The following ZC3H12B variants were observed in gnomAD, a reference collection of about 807,000 sequenced individuals.
ZC3H12B encodes the protein zinc finger CCCH-type containing 12B, also known as probable ribonuclease ZC3H12B.
ZC3H12B carries 7 observed loss-of-function variants against 43.9 expected under a neutral mutation model. The observed-to-expected ratio is 0.16, with a 90% CI of 0.09 to 0.30. The LOEUF (loss-of-function observed/expected upper bound fraction) is 0.30, where lower values mean the gene tolerates loss of function less well. Among genes scored for constraint, ZC3H12B ranks in the 10% least tolerant of loss-of-function variants. The probability of loss-of-function intolerance (pLI) is 1.00; values close to 1 mark genes in which losing one functional copy is unlikely to be tolerated. For synonymous variants in ZC3H12B, 222 were observed against 241.7 expected (o/e 0.92, Z 0.76); for missense variants, 475 against 670.2 (o/e 0.71, Z 3.22).
At chrX:65,370,115 G>C (rs1328151982) in intron 2 of ZC3H12B, among the ~76,000 whole-genome samples, 1 of 112,105 alleles carries the variant, frequency 8.9e-6, no homozygotes, top group Non-Finnish European at 1.9e-5. Context: ...AAGAAAAAAA[G>C]TATTCATATA....
the ZC3H12B span, among the ~76,000 whole-genome samples, chrX:65,290,670 A>C: frequency 7.2e-5 from 8 of 111,721 alleles, no homozygotes; most frequent in East Asian, 8.4e-4. Context: ...AGTTTTATCC[A>C]TTAAAAAATA....
chrX:65,158,811 C>T, the ZC3H12B span, among the ~76,000 whole-genome samples: 2 of 111,678 alleles, frequency 1.8e-5, no homozygotes, highest in African/African-American at 6.5e-5. Context: ...CTTTTGTTGC[C>T]ATTGCTTTTG....
chrX:65,135,101 A>G, the ZC3H12B span, among the ~76,000 whole-genome samples: 1 of 111,491 alleles, frequency 9.0e-6, no homozygotes, highest in Non-Finnish European at 1.9e-5. Context: ...GACAATATAT[A>G]TAATGAAGTA....
the ZC3H12B span, among the ~76,000 whole-genome samples, chrX:65,159,735 C>G: frequency 1.8e-5 from 2 of 111,778 alleles, no homozygotes; most frequent in Non-Finnish European, 3.8e-5. Context: ...CCCTCTTTTC[C>G]TAATTGAATA....
the ZC3H12B span, among the ~76,000 whole-genome samples, chrX:65,072,557 G>GT: frequency 2.9e-4 from 32 of 111,086 alleles, no homozygotes; most frequent in East Asian, 1.7e-3. Flanking sequence ...CTATGGATGA[G>GT]TTTTTTTTTC....
intron 2 of ZC3H12B, among the ~76,000 whole-genome samples, chrX:65,377,193 G>A (rs1163350723): frequency 1.9e-5 from 2 of 107,958 alleles, no homozygotes; most frequent in Non-Finnish European, 3.8e-5. Context: ...CTTGAAGGTA[G>A]GCTATTTGAA....
the ZC3H12B span, among the ~76,000 whole-genome samples, chrX:65,119,768 T>C: frequency 1.1e-3 from 127 of 112,216 alleles, 1 homozygote; most frequent in African/African-American, 4.1e-3. Flanking sequence ...TCTAGGATTT[T>C]TATGGTTTTA....
the ZC3H12B span, among the ~76,000 whole-genome samples, chrX:65,227,538 A>C: frequency 1.8e-5 from 2 of 111,498 alleles, no homozygotes; most frequent in East Asian, 2.8e-4. Context: ...AAATCAGAGC[A>C]GAACTGAAGG....
chrX:65,190,419 C>T, the ZC3H12B span, among the ~76,000 whole-genome samples: 1 of 111,405 alleles, frequency 9.0e-6, no homozygotes, highest in African/African-American at 3.3e-5. Flanking sequence ...ATTGATTCTT[C>T]TTACCCATGA....
chrX:65,250,769 C>T, the ZC3H12B span, among the ~76,000 whole-genome samples: 2 of 111,708 alleles, frequency 1.8e-5, no homozygotes, highest in African/African-American at 3.3e-5. Context: ...CCTTTGCCCA[C>T]TTGTTGATGG....
intron 2 of ZC3H12B, among the ~76,000 whole-genome samples, chrX:65,390,795 T>C (rs1316121410): frequency 8.9e-6 from 1 of 111,904 alleles, no homozygotes; most frequent in Non-Finnish European, 1.9e-5. Flanking sequence ...AGCACATGGA[T>C]CATTCTCAAG....
chrX:65,254,346 C>T, the ZC3H12B span, among the ~76,000 whole-genome samples: 1 of 112,429 alleles, frequency 8.9e-6, no homozygotes, highest in African/African-American at 3.2e-5. Context: ...GTCAACCCTT[C>T]CATCACAGCA....
chrX:65,205,007 A>G, the ZC3H12B span, among the ~76,000 whole-genome samples: 31 of 111,911 alleles, frequency 2.8e-4, no homozygotes, highest in African/African-American at 1.0e-3. Flanking sequence ...CCAGCCTTGG[A>G]ACTGTAGTAA....
intron 3 of ZC3H12B, among the ~76,000 whole-genome samples, chrX:65,436,213 C>A (rs2067220176): frequency 8.9e-6 from 1 of 111,928 alleles, no homozygotes; most frequent in South Asian, 3.7e-4. Context: ...GTCACAAGAA[C>A]AGCAAGGGGG....
the ZC3H12B span, among the ~76,000 whole-genome samples, chrX:65,176,932 G>A: frequency 8.0e-5 from 9 of 111,935 alleles, no homozygotes; most frequent in Non-Finnish European, 1.3e-4. Flanking sequence ...CATTGTATGA[G>A]GCCAGTGTCA....
intron 3 of ZC3H12B, among the ~76,000 whole-genome samples, chrX:65,433,645 T>G (rs1318390612): frequency 1.8e-5 from 2 of 112,168 alleles, no homozygotes; most frequent in Non-Finnish European, 3.8e-5. Context: ...TTAGGATCAC[T>G]TCAGATTTAA....
the ZC3H12B span, among the ~76,000 whole-genome samples, chrX:65,201,700 CTTAG>C: frequency 9.8e-6 from 1 of 101,559 alleles, no homozygotes; most frequent in African/African-American, 3.6e-5. Context: ...TCCCTGGTGC[CTTAG>C]TTTGTTTGTT....
At chrX:65,327,242 G>GAT in the ZC3H12B span, among the ~76,000 whole-genome samples, 1 of 110,633 alleles carries the variant, frequency 9.0e-6, no homozygotes, top group East Asian at 2.8e-4. Context: ...AAGAAAATGT[G>GAT]ATATATATAG....
At chrX:65,422,452 G>C (rs2067029299) in intron 3 of ZC3H12B, among the ~76,000 whole-genome samples, 2 of 112,185 alleles carry the variant, frequency 1.8e-5, no homozygotes, top group African/African-American at 6.5e-5. Context: ...ATTGACAAAG[G>C]TGTGGACCTG....
Sources: gnomAD v4.1 joint callset for allele counts (sites outside exome capture counted in the v4.1 genomes callset) on GRCh38, gnomAD v4.1.1 for gene constraint, MANE v1.5 for transcripts, NCBI Gene and HGNC (gene_info 2026-07-23, HGNC 2026-07-21) for gene names.